Variants in SRRM4 observed in about 807,000 individuals in gnomAD.
SRRM4 encodes serine/arginine repetitive matrix 4, also known as serine/arginine repetitive matrix protein 4.
In SRRM4, 33 loss-of-function variants were observed where a neutral mutation model predicts 68.9. That is an observed-to-expected ratio of 0.48 (90% CI 0.36 to 0.64). The LOEUF (loss-of-function observed/expected upper bound fraction) is 0.64, where lower values mean the gene tolerates loss of function less well. Among genes scored for constraint, SRRM4 ranks in the 30% least tolerant of loss-of-function variants. SRRM4 has a pLI of 0.00. For missense variants in SRRM4, 817 were observed against 827.1 expected (o/e 0.99, Z 0.15); for synonymous variants, 318 against 318.8 (o/e 1.00, Z 0.03).
At chr12:119,100,811 A>G (rs2136041471) in intron 1 of SRRM4, among the ~76,000 whole-genome samples, 1 of 152,338 alleles carries the variant, frequency 6.6e-6, no homozygotes, top group East Asian at 1.9e-4. Flanking sequence ...AGACATGGAA[A>G]GGTAACCCCC....
At chr12:119,102,126 C>A in intron 1 of SRRM4, 110 bp from the exon 2 acceptor site, 2 of 1,133,716 alleles carry the variant, frequency 1.8e-6, no homozygotes, top group Non-Finnish European at 2.5e-6. Flanking sequence ...ATGGGCTCAA[C>A]CTAACTGTAA....
At chr12:119,060,315 A>G (rs1341361792) in intron 1 of SRRM4, among the ~76,000 whole-genome samples, 1 of 150,572 alleles carries the variant, frequency 6.6e-6, no homozygotes, top group Non-Finnish European at 1.5e-5. Flanking sequence ...TGTCCAGGAG[A>G]GCCATGGATC....
At chr12:119,082,123 C>T (rs1421986609) in intron 1 of SRRM4, among the ~76,000 whole-genome samples, 1 of 152,050 alleles carries the variant, frequency 6.6e-6, no homozygotes, top group Non-Finnish European at 1.5e-5. Flanking sequence ...CTTGTGGGTC[C>T]CAGGATCAGC....
chr12:119,051,077 T>C (rs1323793041), intron 1 of SRRM4, among the ~76,000 whole-genome samples: 1 of 152,144 alleles, frequency 6.6e-6, no homozygotes, highest in African/African-American at 2.4e-5. Context: ...GGAGGTGTTT[T>C]TGGTTGTCAC....
At chr12:119,130,635 C>T (rs994857536) in intron 7 of SRRM4, 43 bp from the exon 8 acceptor site, 2 of 1,582,534 alleles carry the variant, frequency 1.3e-6, no homozygotes, top group Non-Finnish European at 1.7e-6. Context: ...CCCTACCATG[C>T]TCCCCTTCAA....
intron 2 of SRRM4, among the ~76,000 whole-genome samples, chr12:119,103,277 G>C (rs4766927): frequency 0.038 from 5,734 of 151,670 alleles, 183 homozygotes; most frequent in East Asian, 0.098. Flanking sequence ...TTTTATTTTA[G>C]GTTTGGGGCT....
At position 119,159,738 on chromosome 12, in the gene SRRM4, C is replaced by G. The variant is rs1264210546; in HGVS notation, c.*2940C>G. 3 of 152,198 alleles carry G rather than the reference C, an allele frequency of 2.0e-5. No homozygotes were observed. The highest frequency in any genetic ancestry group is 6.5e-5 in the Admixed American group (1 of 15,284). The allele number at this position is 152,198 out of a possible 1,614,324, so 9.4% of individuals were successfully genotyped here. ...TTCCACTCCACAGTACCTAATTTCT[C>G]TCTGTCCCCTGAGATCTGAAGGCTA... On this transcript the variant is annotated 3_prime_UTR_variant, in exon 13 of 13. Coordinates refer to ENST00000267260, the MANE Select transcript of SRRM4 (RefSeq NM_194286.4).
chr12:119,140,872 C>A (rs1954360942), intron 8 of SRRM4, among the ~76,000 whole-genome samples: 4 of 152,112 alleles, frequency 2.6e-5, no homozygotes, highest in Admixed American at 2.6e-4. Context: ...GGGGTCTGGA[C>A]CTCAAACTTT....
At chr12:119,027,269 T>G (rs555244747) in intron 1 of SRRM4, among the ~76,000 whole-genome samples, 6 of 152,336 alleles carry the variant, frequency 3.9e-5, no homozygotes, top group African/African-American at 1.4e-4. Flanking sequence ...TTTGCACCAA[T>G]GTGAGTTAGG....
rs1954337806 is a variant in SRRM4, at chr12:119,137,590, GAGA to G, written c.771+6757_771+6759del. Among the ~76,000 whole-genome samples the G allele has an allele frequency of 2.2e-3, 3 of 1,364 alleles. No individual in the cohort carries two copies. In the Admixed American group the frequency reaches 0.036, roughly 16 times the overall value. The allele number at this position is 1,364 out of a possible 152,430, so 0.9% of individuals were successfully genotyped here. Reference sequence around the variant, plus strand: ...GAGATGAGGCGAGGTTTGGAGTGGAGAGAGAGAGAGAGAGAGAGAGAGAGAGAG... The same window carrying G: ...GAGATGAGGCGAGGTTTGGAGTGGAGGAGAGAGAGAGAGAGAGAGAGAGAG... On this transcript the variant is annotated intron_variant, in intron 8 of 12. Transcript: ENST00000267260.
intron 1 of SRRM4, among the ~76,000 whole-genome samples, chr12:119,025,516 C>T (rs1330423882): frequency 6.6e-6 from 1 of 152,074 alleles, no homozygotes; most frequent in Non-Finnish European, 1.5e-5. Context: ...ATGATCTTGG[C>T]TCACCGCAAC....
intron 12 of SRRM4, 70 bp from the exon 13 acceptor site, chr12:119,156,425 A>T (rs1328703620): frequency 7.4e-6 from 11 of 1,495,098 alleles, no homozygotes; most frequent in Non-Finnish European, 8.9e-6. Context: ...CCCTTGGGAC[A>T]AGACTGGGGC....
intron 1 of SRRM4, among the ~76,000 whole-genome samples, chr12:119,051,267 A>G (rs1953740604): frequency 6.6e-6 from 1 of 152,210 alleles, no homozygotes; most frequent in African/African-American, 2.4e-5. Flanking sequence ...TAAGATTGTG[A>G]TGCTGTTGTG....
At chr12:119,130,876 A>AC in intron 8 of SRRM4, 42 bp downstream of exon 8, 1 of 1,580,566 alleles carries the variant, frequency 6.3e-7, no homozygotes, top group Middle Eastern at 1.7e-4. Context: ...CTTGGCCACG[A>AC]CACTTGGGGA....
intron 1 of SRRM4, among the ~76,000 whole-genome samples, chr12:119,050,440 C>T (rs1488534394): frequency 6.6e-6 from 1 of 152,214 alleles, no homozygotes; most frequent in Non-Finnish European, 1.5e-5. Flanking sequence ...ATCGCATAAA[C>T]AAATTCATCC....
chr12:119,098,890 C>G (rs991867213), intron 1 of SRRM4, among the ~76,000 whole-genome samples: 3 of 152,192 alleles, frequency 2.0e-5, no homozygotes, highest in Non-Finnish European at 4.4e-5. Flanking sequence ...TCCATTGCTA[C>G]TACACTGATC....
intron 1 of SRRM4, among the ~76,000 whole-genome samples, chr12:119,051,518 G>A (rs1355352675): frequency 6.6e-6 from 1 of 152,108 alleles, no homozygotes; most frequent in African/African-American, 2.4e-5. Flanking sequence ...GAAAGTGGAG[G>A]GAATGAATCT....
At chr12:119,123,260 G>A (rs962360781) in intron 6 of SRRM4, among the ~76,000 whole-genome samples, 3 of 152,208 alleles carry the variant, frequency 2.0e-5, no homozygotes, top group African/African-American at 7.2e-5. Flanking sequence ...ACAGAGGCCT[G>A]GGGAATGCTC....
At chr12:119,067,769 A>G (rs1953855461) in intron 1 of SRRM4, among the ~76,000 whole-genome samples, 1 of 152,062 alleles carries the variant, frequency 6.6e-6, no homozygotes, top group South Asian at 2.1e-4. Flanking sequence ...CTGGAATGGA[A>G]TCCCAGCTCC....
Sources: allele counts gnomAD v4.1 joint callset (sites outside exome capture counted in the v4.1 genomes callset), GRCh38; gene constraint gnomAD v4.1.1; transcripts MANE v1.5; gene names NCBI Gene and HGNC (gene_info 2026-07-23, HGNC 2026-07-21).